Variants in VSIG10 observed in about 807,000 individuals in gnomAD.
VSIG10 encodes V-set and immunoglobulin domain-containing protein 10.
A neutral mutation model predicts 58.7 loss-of-function variants in VSIG10; 48 were observed. That is an observed-to-expected ratio of 0.82 (90% CI 0.65 to 1.04). VSIG10 has a LOEUF of 1.04. Among genes scored for constraint, VSIG10 ranks in the 50% least tolerant of loss-of-function variants. The pLI is 0.00. For synonymous variants in VSIG10, 260 were observed against 267.1 expected (o/e 0.97, Z 0.26); for missense variants, 628 against 670.0 (o/e 0.94, Z 0.69).
intron 1 of VSIG10, among the ~76,000 whole-genome samples, chr12:118,100,793 T>G (rs148602702): frequency 0.058 from 8,828 of 152,270 alleles, 339 homozygotes; most frequent in Middle Eastern, 0.078. Context: ...CCTCCAAAAG[T>G]GCTGGGATTA....
chr12:118,088,478 C>T (rs1013803694), intron 2 of VSIG10, among the ~76,000 whole-genome samples: 2 of 152,154 alleles, frequency 1.3e-5, no homozygotes, highest in Admixed American at 6.6e-5. Flanking sequence ...TTCCCAAGGT[C>T]ACACAGACAA....
chr12:118,083,339 A>G (rs1364880823), intron 2 of VSIG10, among the ~76,000 whole-genome samples: 3 of 151,796 alleles, frequency 2.0e-5, no homozygotes, highest in Non-Finnish European at 4.4e-5. Context: ...GCACTTTGGG[A>G]GGCCAAGATA....
chr12:118,091,540 A>G (rs979423729), intron 2 of VSIG10, among the ~76,000 whole-genome samples: 12 of 151,596 alleles, frequency 7.9e-5, no homozygotes, highest in Non-Finnish European at 1.8e-4. Context: ...TTTGTTTCTC[A>G]TCTGTGTGCC....
At chr12:118,070,766 C>A (rs1272987940) in intron 7 of VSIG10, among the ~76,000 whole-genome samples, 1 of 152,132 alleles carries the variant, frequency 6.6e-6, no homozygotes, top group Non-Finnish European at 1.5e-5. Context: ...TTGATTAGAC[C>A]TGGACCTGAA....
intron 5 of VSIG10, 71 bp from the exon 6 acceptor site, chr12:118,071,540 T>C: frequency 1.5e-6 from 2 of 1,371,082 alleles, no homozygotes; most frequent in Non-Finnish European, 2.1e-6. Context: ...CCTCCCTTTC[T>C]CTGCGTGGAT....
At chr12:118,072,152 A>G (rs537638072) in intron 5 of VSIG10, among the ~76,000 whole-genome samples, 75 of 131,200 alleles carry the variant, frequency 5.7e-4, no homozygotes, top group Non-Finnish European at 9.4e-4. Context: ...CTGGGCAACA[A>G]GAGCGAAATT....
chr12:118,086,477 G>A (rs899378289), intron 2 of VSIG10, among the ~76,000 whole-genome samples: 8 of 152,110 alleles, frequency 5.3e-5, no homozygotes, highest in African/African-American at 1.7e-4. Context: ...AAGTGTACCA[G>A]GATATGGGAA....
In VSIG10 at chr12:118,068,389, G is replaced by A. The variant is rs759068090; in HGVS notation, c.1555C>T (p.Gln519Ter). The change falls in exon 8 of 9, where the codon CAG becomes TAG. Residue 519 changes from glutamine to a stop codon, truncating the protein, a stop_gained. Coordinates refer to ENST00000359236, the MANE Select transcript of VSIG10 (RefSeq NM_019086.6). LOFTEE classifies it high-confidence loss of function. ...GNIEQMGNGF[Q>*]DLQDDSSEEQ... ...AAAAAGAGCTTACCTTGAAGATCCTGGAATCCATTTCCCATCTGTTCTATG... is the reference window on the plus strand; with the variant it reads ...AAAAAGAGCTTACCTTGAAGATCCTAGAATCCATTTCCCATCTGTTCTATG... The A allele has an allele frequency of 5.6e-6, 9 of 1,613,002 alleles. No homozygotes were observed. In the South Asian group the frequency reaches 7.7e-5, roughly 14 times the overall value.
chr12:118,074,099 T>TGTTTTGTTTC, intron 4 of VSIG10, 107 bp from the exon 5 acceptor site: 1 of 1,350,736 alleles, frequency 7.4e-7, no homozygotes. Flanking sequence ...TGTTTTGTTT[T>TGTTTTGTTTC]GAGATGGAGG....
intron 8 of VSIG10, among the ~76,000 whole-genome samples, chr12:118,068,009 C>T (rs2032314824): frequency 6.9e-6 from 1 of 145,196 alleles, no homozygotes; most frequent in Non-Finnish European, 1.5e-5. Context: ...CGCAGCAGTT[C>T]AGAGGTTTGT....
chr12:118,078,639 T>C (rs2032820841), intron 4 of VSIG10, among the ~76,000 whole-genome samples: 2 of 152,118 alleles, frequency 1.3e-5, no homozygotes, highest in South Asian at 2.1e-4. Flanking sequence ...TACGGAACTA[T>C]GAGCAAATAA....
At chr12:118,095,401 A>G in intron 2 of VSIG10, 132 bp downstream of exon 2, 2 of 1,175,728 alleles carry the variant, frequency 1.7e-6, no homozygotes, top group Non-Finnish European at 2.4e-6. Flanking sequence ...GAGGTCCCTC[A>G]GCTTCCATGT....
At chr12:118,076,245 G>A (rs1267677061) in intron 4 of VSIG10, among the ~76,000 whole-genome samples, 9 of 152,150 alleles carry the variant, frequency 5.9e-5, no homozygotes, top group Admixed American at 5.2e-4. Flanking sequence ...GTTCCTTTTG[G>A]ACGCTCTAGA....
chr12:118,068,300 G>T (rs1486942207), intron 8 of VSIG10, 77 bp downstream of exon 8: 2 of 1,477,436 alleles, frequency 1.4e-6, no homozygotes, highest in Non-Finnish European at 9.2e-7. Context: ...CTCCCAAAGT[G>T]CTGGGATTAT....
intron 1 of VSIG10, chr12:118,102,764 G>A (rs2033654168): frequency 6.6e-6 from 1 of 152,244 alleles, no homozygotes; most frequent in Non-Finnish European, 1.5e-5. Context: ...CCTGCATCCT[G>A]GCAAACTTCA....
intron 4 of VSIG10, among the ~76,000 whole-genome samples, chr12:118,075,080 T>C (rs549874130): frequency 6.7e-6 from 1 of 150,098 alleles, no homozygotes; most frequent in East Asian, 1.9e-4. Context: ...AGAAAAAGCA[T>C]AGTATATATA....
chr12:118,073,671 C>T, intron 5 of VSIG10, 28 bp downstream of exon 5: 1 of 1,574,342 alleles, frequency 6.4e-7, no homozygotes, highest in Non-Finnish European at 8.6e-7. Flanking sequence ...TGAACCCTCC[C>T]TCCTTCAGGC....
chr12:118,082,070 A>G, intron 3 of VSIG10, 57 bp downstream of exon 3: 5 of 1,536,472 alleles, frequency 3.3e-6, no homozygotes, highest in Middle Eastern at 1.8e-4. Context: ...CGTGCAGTTC[A>G]TAAGTTCACA....
chr12:118,070,889 A>G (rs2032463610), intron 7 of VSIG10, 163 bp downstream of exon 7: 2 of 817,658 alleles, frequency 2.4e-6, no homozygotes, highest in African/African-American at 1.7e-5. Context: ...AGATGATGAA[A>G]GGGTTTATAA....
Sources: allele counts gnomAD v4.1 joint callset (sites outside exome capture counted in the v4.1 genomes callset), GRCh38; gene constraint gnomAD v4.1.1; transcripts MANE v1.5; gene names NCBI Gene and HGNC (gene_info 2026-07-23, HGNC 2026-07-21).